Variants in GALNT17 observed in about 807,000 individuals in gnomAD.
GALNT17 encodes the protein polypeptide N-acetylgalactosaminyltransferase 17.
Under a neutral mutation model 63.7 loss-of-function variants are expected in GALNT17, and 29 were observed. The observed-to-expected ratio is 0.46, with a 90% confidence interval of 0.34 to 0.62. The LOEUF (loss-of-function observed/expected upper bound fraction) is 0.62, where lower values mean the gene tolerates loss of function less well. Ranked by LOEUF, GALNT17 falls within the 20% of genes least tolerant of loss-of-function variation. The pLI is 0.01. For missense variants in GALNT17, 603 were observed against 799.6 expected (o/e 0.75, Z 2.97); for synonymous variants, 305 against 318.3 (o/e 0.96, Z 0.45).
chr7:71,699,849 C>T (rs879770688), intron 9 of GALNT17, among the ~76,000 whole-genome samples: 3 of 151,844 alleles, frequency 2.0e-5, no homozygotes, highest in Non-Finnish European at 2.9e-5. Context: ...AGGAGGATCA[C>T]GTATGCGCAG....
chr7:71,308,992 C>T (rs182267143), intron 1 of GALNT17, among the ~76,000 whole-genome samples: 102 of 152,196 alleles, frequency 6.7e-4, no homozygotes, highest in Admixed American at 3.7e-3. Flanking sequence ...GATCTGCCCA[C>T]CTCGGCCTCC....
chr7:71,251,942 T>G (rs1467134150), intron 1 of GALNT17, among the ~76,000 whole-genome samples: 3 of 152,162 alleles, frequency 2.0e-5, no homozygotes, highest in Non-Finnish European at 4.4e-5. Flanking sequence ...CCATAAGATC[T>G]GTACAGTCAC....
chr7:71,526,372 A>G (rs1788624805), intron 5 of GALNT17, among the ~76,000 whole-genome samples: 1 of 151,796 alleles, frequency 6.6e-6, no homozygotes, highest in South Asian at 2.1e-4. Flanking sequence ...AAAATCAGAC[A>G]AGACTTCTCA....
chr7:71,467,598 A>G (rs1212991215), intron 5 of GALNT17, among the ~76,000 whole-genome samples: 1 of 152,002 alleles, frequency 6.6e-6, no homozygotes, highest in African/African-American at 2.4e-5. Flanking sequence ...AAAAAATGAC[A>G]TTTGGAGTAA....
At chr7:71,677,516 A>ATT (rs34765236) in intron 9 of GALNT17, among the ~76,000 whole-genome samples, 6 of 142,078 alleles carry the variant, frequency 4.2e-5, no homozygotes, top group Admixed American at 7.1e-5. Flanking sequence ...CAGCATGCAG[A>ATT]TTTTTTTTTT....
intron 1 of GALNT17, among the ~76,000 whole-genome samples, chr7:71,207,862 A>G (rs1378687143): frequency 6.6e-6 from 1 of 152,112 alleles, no homozygotes; most frequent in African/African-American, 2.4e-5. Context: ...GGGATTTGTC[A>G]TGGGTACAAC....
chr7:71,701,411 C>G (rs921072468), intron 9 of GALNT17, among the ~76,000 whole-genome samples: 1 of 151,746 alleles, frequency 6.6e-6, no homozygotes, highest in African/African-American at 2.4e-5. Context: ...CACTTGAACT[C>G]AGGAGGTGGA....
chr7:71,357,596 T>C (rs886132105), intron 2 of GALNT17, among the ~76,000 whole-genome samples: 2 of 152,170 alleles, frequency 1.3e-5, no homozygotes, highest in African/African-American at 4.8e-5. Flanking sequence ...CCAGAAACAA[T>C]GCCTTGAGTC....
At chr7:71,278,521 G>T (rs976764100) in intron 1 of GALNT17, among the ~76,000 whole-genome samples, 12 of 152,206 alleles carry the variant, frequency 7.9e-5, no homozygotes, top group African/African-American at 2.9e-4. Context: ...GACCTTTGTC[G>T]TAATATGTTC....
chr7:71,181,974 A>G (rs1788743770), intron 1 of GALNT17, among the ~76,000 whole-genome samples: 1 of 152,246 alleles, frequency 6.6e-6, no homozygotes, highest in Admixed American at 6.5e-5. Flanking sequence ...TTGGGCGTTC[A>G]AGACCAGCCT....
chr7:71,671,326 T>C (rs1312308757), intron 8 of GALNT17, among the ~76,000 whole-genome samples: 1 of 152,196 alleles, frequency 6.6e-6, no homozygotes, highest in African/African-American at 2.4e-5. Flanking sequence ...CGGGTTTTCT[T>C]TCCTGGGACT....
intron 1 of GALNT17, among the ~76,000 whole-genome samples, chr7:71,217,534 G>T (rs1010485359): frequency 6.6e-6 from 1 of 151,702 alleles, no homozygotes; most frequent in Non-Finnish European, 1.5e-5. Flanking sequence ...ATATCATTCT[G>T]GTTTTCTTTT....
intron 5 of GALNT17, among the ~76,000 whole-genome samples, chr7:71,473,842 C>T (rs965814585): frequency 4.6e-5 from 7 of 152,056 alleles, no homozygotes; most frequent in African/African-American, 7.2e-5. Flanking sequence ...AAAAAGTTCA[C>T]GATCCAGATC....
At chr7:71,603,554 C>T (rs536449417) in intron 6 of GALNT17, among the ~76,000 whole-genome samples, 142 of 151,952 alleles carry the variant, frequency 9.3e-4, no homozygotes, top group African/African-American at 3.4e-3. Context: ...TAAGTGCATA[C>T]AGCAGGTACT....
intron 5 of GALNT17, among the ~76,000 whole-genome samples, chr7:71,530,187 G>C (rs1212070998): frequency 1.3e-5 from 2 of 152,132 alleles, no homozygotes; most frequent in Non-Finnish European, 2.9e-5. Context: ...GGTCCCTGCT[G>C]TCCCTCTAGC....
chr7:71,669,677 T>A (rs1276766017), intron 7 of GALNT17, among the ~76,000 whole-genome samples: 5 of 149,238 alleles, frequency 3.4e-5, no homozygotes, highest in Admixed American at 2.0e-4. Flanking sequence ...TTCTCGTGCC[T>A]CAGCCTCCTG....
chr7:71,582,315 C>T (rs377620648), intron 6 of GALNT17, among the ~76,000 whole-genome samples: 13 of 151,764 alleles, frequency 8.6e-5, no homozygotes, highest in African/African-American at 3.1e-4. Flanking sequence ...TGCCTCACAC[C>T]TGTAATCGCA....
intron 1 of GALNT17, among the ~76,000 whole-genome samples, chr7:71,267,853 C>T (rs1790519094): frequency 6.8e-6 from 1 of 146,390 alleles, no homozygotes; most frequent in South Asian, 2.2e-4. Context: ...CCTCCCCCCA[C>T]CTGCCCCCAC....
At chr7:71,333,263 C>T (rs1442125668) in intron 1 of GALNT17, among the ~76,000 whole-genome samples, 4 of 151,800 alleles carry the variant, frequency 2.6e-5, no homozygotes, top group Non-Finnish European at 5.9e-5. Flanking sequence ...TATGGTCTTC[C>T]GTGACTAGCT....
Sources: gnomAD v4.1 joint callset for allele counts (sites outside exome capture counted in the v4.1 genomes callset) on GRCh38, gnomAD v4.1.1 for gene constraint, MANE v1.5 for transcripts, NCBI Gene and HGNC (gene_info 2026-07-23, HGNC 2026-07-21) for gene names.